Variants in IKBIP observed in about 807,000 individuals in gnomAD.
IKBIP encodes the protein IKBKB interacting protein.
Under a neutral mutation model 31.0 loss-of-function variants are expected in IKBIP, and 28 were observed. That is an observed-to-expected ratio of 0.90 (90% confidence interval 0.67 to 1.24). The LOEUF is 1.24. IKBIP is among the 50% of genes most tolerant of loss of function. The probability of loss-of-function intolerance (pLI) is 0.00; values close to 1 mark genes in which losing one functional copy is unlikely to be tolerated. For synonymous variants in IKBIP, 164 were observed against 160.3 expected (o/e 1.02, Z -0.17); for missense variants, 453 against 441.9 (o/e 1.03, Z -0.23).
rs368698650 is a variant in IKBIP, at chr12:98,625,420, T to C, written c.*510A>G. 2 of 554,380 alleles carry C rather than the reference T, an allele frequency of 3.6e-6. No individual in the cohort carries two copies. The highest frequency in any genetic ancestry group is 4.1e-5 in the African/African-American group (2 of 48,816). 34.3% of individuals were successfully genotyped at this position (554,380 alleles called of 1,614,324 possible). Reference sequence around the variant, plus strand: ...TATTTTACACAAAATTCCCATGAACTTGGTTGTGTGGATTCTTAACCTGCA... The same window carrying C: ...TATTTTACACAAAATTCCCATGAACCTGGTTGTGTGGATTCTTAACCTGCA... On this transcript the variant is annotated 3_prime_UTR_variant, in exon 3 of 3. Coordinates refer to ENST00000299157, the MANE Select transcript of IKBIP (RefSeq NM_153687.4).
Position 98,626,696 on chromosome 12 carries a change from T to G in IKBIP, c.368A>C (p.Glu123Ala), listed in dbSNP as rs2097614837. 7 of 1,614,070 alleles carry G rather than the reference T, an allele frequency of 4.3e-6. No individual in the cohort carries two copies. Among genetic ancestry groups the G allele is most frequent in the Non-Finnish European group, 5.1e-6 (6 of 1,180,002 alleles). ...SMSLMTQFEQEVSNLQDIMHD... is the reference protein window; with the variant it reads ...SMSLMTQFEQAVSNLQDIMHD... ...CATGATATCTTGGAGGTTGGATACT[T>G]CCTGCTCAAACTGGGTCATCAAAGA... Residue 123 changes from glutamate to alanine, a missense_variant, in exon 3 of 3, where the codon GAA (glutamate) becomes GCA (alanine). Transcript: ENST00000299157.
intron 2 of IKBIP, among the ~76,000 whole-genome samples, chr12:98,633,665 T>G (rs1057358849): frequency 1.3e-5 from 2 of 151,856 alleles, no homozygotes; most frequent in Admixed American, 6.6e-5. Flanking sequence ...TACAGGCGTG[T>G]GCACCACGCC....
chr12:98,614,233 C>A (rs1032030394), exon 3 of IKBIP: 17 of 1,613,468 alleles, frequency 1.1e-5, no homozygotes, highest in African/African-American at 8.0e-5. Flanking sequence ...TTTCAGTTAT[C>A]CTATTGGACC....
In IKBIP at chr12:98,624,779, C is replaced by G; in HGVS notation, c.*1151G>C. Reference sequence around the variant, plus strand: ...TATCAGAGTTATGTTACTTTTCCCTCAAAACAGGCCACAGGCTTATTTTTA... The same window carrying G: ...TATCAGAGTTATGTTACTTTTCCCTGAAAACAGGCCACAGGCTTATTTTTA... On this transcript the variant is annotated 3_prime_UTR_variant, in exon 3 of 3. Coordinates refer to ENST00000299157, the MANE Select transcript of IKBIP (RefSeq NM_153687.4). 3.4e-6 allele frequency: 3 copies of G among 872,366 alleles called. No homozygotes were observed. The highest frequency in any genetic ancestry group is 4.1e-6 in the Non-Finnish European group (3 of 727,126). The allele number at this position is 872,366 out of a possible 1,614,324, so 54.0% of individuals were successfully genotyped here. A position where few individuals can be genotyped will look rare whatever the true frequency, so the allele number is the denominator to read the frequency against.
chr12:98,630,214 T>C (rs141269006), intron 2 of IKBIP, among the ~76,000 whole-genome samples: 17 of 151,768 alleles, frequency 1.1e-4, no homozygotes, highest in African/African-American at 9.7e-5. Context: ...TGAAACCCCA[T>C]GTCTACTAAA....
chr12:98,631,079 T>C (rs1197709336), intron 2 of IKBIP, among the ~76,000 whole-genome samples: 3 of 150,602 alleles, frequency 2.0e-5, no homozygotes, highest in Non-Finnish European at 3.0e-5. Flanking sequence ...ATTACAGGCA[T>C]GCACCATCAT....
At chr12:98,618,369 G>C (rs2097607510) in intron 2 of IKBIP, among the ~76,000 whole-genome samples, 1 of 151,888 alleles carries the variant, frequency 6.6e-6, no homozygotes, top group African/African-American at 2.4e-5. Context: ...GCTCACGCCT[G>C]TAATCCCAGC....
At position 98,624,562 on chromosome 12, in the gene IKBIP, C is replaced by T. The variant is rs1443595863; in HGVS notation, c.*1368G>A. On this transcript the variant is annotated 3_prime_UTR_variant, in exon 3 of 3. Transcript: ENST00000299157. ...CTTTCAAGTTCTTTGTGTTTAATTC[C>T]ATCAAAAACTGCATTATAAAACTGG... 5.1e-6 allele frequency: 5 copies of T among 973,956 alleles called. No homozygotes were observed. Among genetic ancestry groups the T allele is most frequent in the East Asian group, 2.3e-4 (2 of 8,766 alleles). 60.3% of individuals were successfully genotyped at this position (973,956 alleles called of 1,614,324 possible).
Position 98,625,493 on chromosome 12 carries a change from C to T in IKBIP, c.*437G>A, listed in dbSNP as rs1174262082. 5.6e-6 allele frequency: 1 copy of T among 177,942 alleles called. No individual in the cohort carries two copies. Among genetic ancestry groups the T allele is most frequent in the African/African-American group, 2.4e-5 (1 of 41,954 alleles). 11.0% of individuals were successfully genotyped at this position (177,942 alleles called of 1,614,324 possible). On this transcript the variant is annotated 3_prime_UTR_variant, in exon 3 of 3. Coordinates refer to ENST00000299157, the MANE Select transcript of IKBIP (RefSeq NM_153687.4). ...CTGGCTGAGGCAGGCACATTACCAA[C>T]CAACCTGACAGTAAGTTCAGGTGAC...
Position 98,625,969 on chromosome 12 carries a change from T to C in IKBIP, c.1095A>G (p.Glu365=), listed in dbSNP as rs777690026. 3 of 1,440,276 alleles carry C rather than the reference T, an allele frequency of 2.1e-6. No individual in the cohort carries two copies. The highest frequency in any genetic ancestry group is 2.8e-6 in the Non-Finnish European group (3 of 1,076,904). The allele number at this position is 1,440,276 out of a possible 1,614,324, so 89.2% of individuals were successfully genotyped here. A position where few individuals can be genotyped will look rare whatever the true frequency, so the allele number is the denominator to read the frequency against. The change falls in exon 3 of 3, where the codon GAA becomes GAG. Residue 365 remains glutamate, a synonymous_variant. Coordinates refer to ENST00000299157, the MANE Select transcript of IKBIP (RefSeq NM_153687.4). Reference sequence around the variant, plus strand: ...CAATTCCTTTATTTTCTATATTATATTCTTTTAAAGTTCCCTTTTCTCCTG... The same window carrying C: ...CAATTCCTTTATTTTCTATATTATACTCTTTTAAAGTTCCCTTTTCTCCTG... ...SSTGEKGTLK[E]YNIENKGIGG...
intron 2 of IKBIP, among the ~76,000 whole-genome samples, chr12:98,630,066 C>A (rs1054824516): frequency 6.6e-6 from 1 of 151,970 alleles, no homozygotes; most frequent in Admixed American, 6.6e-5. Context: ...AGCCACCACA[C>A]CGGGTCTCAT....
intron 1 of IKBIP, among the ~76,000 whole-genome samples, chr12:98,639,288 G>A (rs2097628462): frequency 6.6e-6 from 1 of 152,184 alleles, no homozygotes; most frequent in African/African-American, 2.4e-5. Flanking sequence ...CAGGGTTCCC[G>A]ACCACTTGCA....
At chr12:98,631,108 A>G (rs2097619785) in intron 2 of IKBIP, among the ~76,000 whole-genome samples, 2 of 151,124 alleles carry the variant, frequency 1.3e-5, no homozygotes, top group African/African-American at 4.9e-5. Flanking sequence ...AATTTTTTGT[A>G]CTTTTAGTAG....
chr12:98,615,906 CTT>C (rs886338586), intron 2 of IKBIP, among the ~76,000 whole-genome samples: 1 of 151,852 alleles, frequency 6.6e-6, no homozygotes, highest in African/African-American at 2.4e-5. Flanking sequence ...TTGATTGACA[CTT>C]AGGTTGATTC....
chr12:98,618,555 G>A (rs1415785990), intron 2 of IKBIP, among the ~76,000 whole-genome samples: 4 of 151,954 alleles, frequency 2.6e-5, no homozygotes, highest in African/African-American at 9.7e-5. Flanking sequence ...GAACCCGGGA[G>A]GCGGAGCTTG....
chr12:98,643,817 C>CTTTTTTTTTTTTTTCCT (rs1388722081), intron 1 of IKBIP, among the ~76,000 whole-genome samples: 1 of 136,930 alleles, frequency 7.3e-6, no homozygotes, highest in African/African-American at 2.7e-5. Context: ...ATATGGTTTT[C>CTTTTTTTTTTTTTTCCT]TTTTTTTTTT....
chr12:98,627,109 C>T (rs1272176357), intron 2 of IKBIP, among the ~76,000 whole-genome samples: 1 of 151,904 alleles, frequency 6.6e-6, no homozygotes, highest in Non-Finnish European at 1.5e-5. Flanking sequence ...GCTGGGATTA[C>T]AGGTACGCGC....
At chr12:98,627,554 T>C (rs989618079) in intron 2 of IKBIP, among the ~76,000 whole-genome samples, 1 of 151,586 alleles carries the variant, frequency 6.6e-6, no homozygotes, top group South Asian at 2.1e-4. Flanking sequence ...TTCTCCTGCC[T>C]CAGCCTCCTG....
chr12:98,613,538 A>G lies in IKBIP; in HGVS notation c.*47T>C, dbSNP rs373700005. The G allele has an allele frequency of 8.8e-4, 790 of 898,712 alleles. 13 individuals carry two copies. The South Asian group carries it at 0.015, about 17-fold the overall frequency. 55.7% of individuals were successfully genotyped at this position (898,712 alleles called of 1,614,324 possible). On this transcript the variant is annotated 3_prime_UTR_variant, in exon 3 of 3. Coordinates refer to the IKBIP transcript ENST00000342502. ...TTTGATTTACCAGTCTTCTCATGAG[A>G]GGTCCCATTAAAAAAATTACCTTAG...
Sources: allele counts gnomAD v4.1 joint callset (sites outside exome capture counted in the v4.1 genomes callset), GRCh38; gene constraint gnomAD v4.1.1; transcripts MANE v1.5; gene names NCBI Gene and HGNC (gene_info 2026-07-23, HGNC 2026-07-21).